The following STXBP5L variants were observed in gnomAD, a reference collection of about 807,000 sequenced individuals.
The protein encoded by STXBP5L is syntaxin-binding protein 5-like.
Under a neutral mutation model 144.5 loss-of-function variants are expected in STXBP5L, and 65 were observed. The ratio of observed to expected loss-of-function variants is 0.45; its 90% CI spans 0.37 to 0.55. The LOEUF (loss-of-function observed/expected upper bound fraction) is 0.55, where lower values mean the gene tolerates loss of function less well. Among genes scored for constraint, STXBP5L ranks in the 20% least tolerant of loss-of-function variants. The pLI is 0.00. For synonymous variants in STXBP5L, 505 were observed against 469.6 expected (o/e 1.08, Z -0.97); for missense variants, 1,298 against 1,405.5 (o/e 0.92, Z 1.22).
intron 6 of STXBP5L, among the ~76,000 whole-genome samples, chr3:121,116,163 G>A (rs141504900): frequency 5.3e-5 from 8 of 152,128 alleles, no homozygotes; most frequent in African/African-American, 1.7e-4. Flanking sequence ...TATTTAACAC[G>A]TTTATGCTCT....
chr3:121,313,120 CGG>C (rs1254945726), intron 19 of STXBP5L, among the ~76,000 whole-genome samples: 2 of 135,088 alleles, frequency 1.5e-5, no homozygotes, highest in Non-Finnish European at 3.2e-5. Context: ...CCAGACGGGG[CGG>C]CTGGCCAGGC....
In STXBP5L at chr3:121,364,997, TGA is replaced by T. The variant is rs1023101407; in HGVS notation, c.2177-13717_2177-13716del. ...CAGGTGGGTTTTTCCCCTCTTTTTT[TGA>T]GTCTCTATCTGAGTCTGCTTGGTAT... On this transcript the variant is annotated intron_variant, in intron 20 of 26. Coordinates refer to ENST00000471454, the MANE Select transcript of STXBP5L (RefSeq NM_001308330.2). Among the ~76,000 whole-genome samples, 60 of 152,034 alleles carry T rather than the reference TGA, an allele frequency of 3.9e-4. 1 individual carries two copies. Among genetic ancestry groups the T allele is most frequent in the Admixed American group, 9.8e-4 (15 of 15,262 alleles).
intron 3 of STXBP5L, among the ~76,000 whole-genome samples, chr3:120,984,176 C>T (rs1238514533): frequency 6.6e-6 from 1 of 152,156 alleles, no homozygotes; most frequent in African/African-American, 2.4e-5. Context: ...TCCAGTTCTC[C>T]TCTTTCAGCT....
chr3:120,997,901 A>G (rs1425498207), intron 3 of STXBP5L, among the ~76,000 whole-genome samples: 1 of 152,214 alleles, frequency 6.6e-6, no homozygotes, highest in Non-Finnish European at 1.5e-5. Context: ...AATACACTTT[A>G]TACCTAGAAT....
intron 19 of STXBP5L, among the ~76,000 whole-genome samples, chr3:121,298,313 G>A (rs775078181): frequency 9.2e-5 from 14 of 152,102 alleles, no homozygotes; most frequent in African/African-American, 1.4e-4. Context: ...TACACAATAC[G>A]TGACAATAAA....
chr3:121,030,750 C>T (rs1363447841), intron 3 of STXBP5L, among the ~76,000 whole-genome samples: 1 of 152,020 alleles, frequency 6.6e-6, no homozygotes, highest in Non-Finnish European at 1.5e-5. Context: ...GTGTAGGGCT[C>T]AGCCATCTGT....
intron 20 of STXBP5L, among the ~76,000 whole-genome samples, chr3:121,377,228 C>A (rs1212559595): frequency 6.6e-6 from 1 of 152,112 alleles, no homozygotes; most frequent in Non-Finnish European, 1.5e-5. Context: ...ATTTCTTTCT[C>A]TTTCCTGATT....
intron 19 of STXBP5L, among the ~76,000 whole-genome samples, chr3:121,306,451 AG>A (rs2043340268): frequency 6.6e-6 from 1 of 152,198 alleles, no homozygotes; most frequent in Non-Finnish European, 1.5e-5. Flanking sequence ...CTCATAGGGC[AG>A]AAGTTTTATG....
chr3:121,215,468 G>A (rs1205259244), intron 10 of STXBP5L, among the ~76,000 whole-genome samples: 1 of 152,158 alleles, frequency 6.6e-6, no homozygotes, highest in East Asian at 1.9e-4. Context: ...ATGAAGCTTA[G>A]TTTGGCTGGA....
chr3:121,067,648 T>G (rs1281669978), intron 5 of STXBP5L, among the ~76,000 whole-genome samples: 1 of 152,168 alleles, frequency 6.6e-6, no homozygotes, highest in Non-Finnish European at 1.5e-5. Context: ...TGTTGTTAGA[T>G]CTGTAAATTC....
At chr3:120,961,700 T>C (rs1938842467) in intron 3 of STXBP5L, among the ~76,000 whole-genome samples, 1 of 152,218 alleles carries the variant, frequency 6.6e-6, no homozygotes, top group Admixed American at 6.5e-5. Flanking sequence ...TGCTTCCAAG[T>C]CTTTGCTGTT....
At chr3:121,206,078 T>A (rs1011237011) in intron 10 of STXBP5L, 77 bp downstream of exon 10, 22 of 827,510 alleles carry the variant, frequency 2.7e-5, no homozygotes, top group Non-Finnish European at 3.7e-5. Flanking sequence ...TGTTAAGATA[T>A]TGTTTAAAGT....
chr3:120,924,339 A>G (rs1331177417), intron 2 of STXBP5L, among the ~76,000 whole-genome samples: 1 of 152,208 alleles, frequency 6.6e-6, no homozygotes, highest in Non-Finnish European at 1.5e-5. Flanking sequence ...AGTAACAGTT[A>G]CTAAATCTAC....
At chr3:121,360,910 A>G (rs751493951) in intron 20 of STXBP5L, among the ~76,000 whole-genome samples, 4 of 152,062 alleles carry the variant, frequency 2.6e-5, no homozygotes, top group African/African-American at 7.2e-5. Context: ...GTGGTTATAT[A>G]TTGCTCATTA....
rs374954516 is a variant in STXBP5L, at chr3:121,203,934, T to G, written c.878-1989T>G. 3.8e-4 allele frequency among the ~76,000 whole-genome samples: 58 copies of G among 152,266 alleles called. No homozygotes were observed. The South Asian group carries it at 0.011, about 28-fold the overall frequency. On this transcript the variant is annotated intron_variant, in intron 9 of 26. Transcript: ENST00000471454. The stretch of plus-strand genomic sequence containing the variant: ...CCAGTAATCTCCAACCATCTATTTC[T>G]CAATCTTAAGACTATTGTTCAGGGC...
chr3:121,377,135 C>T (rs2046207241), intron 20 of STXBP5L, among the ~76,000 whole-genome samples: 1 of 152,072 alleles, frequency 6.6e-6, no homozygotes, highest in African/African-American at 2.4e-5. Flanking sequence ...TGGGCTGAGA[C>T]CATAGGGTTT....
chr3:120,966,336 G>A (rs1939571434), intron 3 of STXBP5L, among the ~76,000 whole-genome samples: 1 of 152,220 alleles, frequency 6.6e-6, no homozygotes, highest in Non-Finnish European at 1.5e-5. Context: ...GCGAGGAGCT[G>A]TGATCCTTTG....
chr3:121,049,622 G>T (rs761530959), intron 5 of STXBP5L: 1 of 154,410 alleles, frequency 6.5e-6, no homozygotes, highest in Non-Finnish European at 1.5e-5. Flanking sequence ...GGGCTGTGGT[G>T]GTCTCACTAG....
At chr3:121,047,935 A>T (rs1245745888) in intron 5 of STXBP5L, among the ~76,000 whole-genome samples, 2 of 151,878 alleles carry the variant, frequency 1.3e-5, no homozygotes, top group South Asian at 4.1e-4. Context: ...TGGTTGCTTT[A>T]TAGGGTCAAC....
Sources: gnomAD v4.1 joint callset for allele counts (sites outside exome capture counted in the v4.1 genomes callset) on GRCh38, gnomAD v4.1.1 for gene constraint, MANE v1.5 for transcripts, NCBI Gene and HGNC (gene_info 2026-07-23, HGNC 2026-07-21) for gene names.